OPCML: variants seen among roughly 807,000 people sequenced by gnomAD.
The protein encoded by OPCML is opioid binding protein/cell adhesion molecule like.
Under a neutral mutation model 37.8 loss-of-function variants are expected in OPCML, and 13 were observed. The ratio of observed to expected loss-of-function variants is 0.34; its 90% confidence interval spans 0.22 to 0.55. The LOEUF (loss-of-function observed/expected upper bound fraction) is 0.55, where lower values mean the gene tolerates loss of function less well. Among genes scored for constraint, OPCML ranks in the 20% least tolerant of loss-of-function variants. The pLI is 0.91. For missense variants in OPCML, 341 were observed against 435.6 expected, an observed-to-expected ratio of 0.78 and a Z score of 1.93; for synonymous variants, 176 against 168.8, an observed-to-expected ratio of 1.04 and a Z score of -0.33.
intron 1 of OPCML, among the ~76,000 whole-genome samples, chr11:133,346,970 C>A (rs1592221278): frequency 6.6e-6 from 1 of 152,122 alleles, no homozygotes; most frequent in East Asian, 1.9e-4. Context: ...CAATAGCCTT[C>A]AAAAAGGACA....
intron 1 of OPCML, among the ~76,000 whole-genome samples, chr11:133,148,679 G>A (rs551875568): frequency 6.6e-5 from 10 of 152,300 alleles, no homozygotes; most frequent in Middle Eastern, 3.4e-3. Flanking sequence ...CCATCCCACC[G>A]CCCTCCAGGG....
chr11:133,506,611 G>A (rs1948036258), intron 1 of OPCML, among the ~76,000 whole-genome samples: 1 of 152,162 alleles, frequency 6.6e-6, no homozygotes, highest in South Asian at 2.1e-4. Context: ...AAGGATCCTG[G>A]GAGAACAGTG....
At chr11:132,473,152 T>G (rs975327879) in intron 4 of OPCML, among the ~76,000 whole-genome samples, 2 of 152,178 alleles carry the variant, frequency 1.3e-5, no homozygotes, top group Non-Finnish European at 2.9e-5. Context: ...AAACAGCAAA[T>G]GCCAAGTGAA....
At chr11:133,124,025 A>C (rs1205639961) in intron 1 of OPCML, among the ~76,000 whole-genome samples, 1 of 152,050 alleles carries the variant, frequency 6.6e-6, no homozygotes, top group East Asian at 1.9e-4. Context: ...AGCAATGACT[A>C]CCACACCTTA....
In OPCML at chr11:132,646,518, G is replaced by A. The variant is rs548756220; in HGVS notation, c.379+10569C>T. On this transcript the variant is annotated intron_variant, in intron 3 of 7. Coordinates refer to ENST00000524381, the MANE Select transcript of OPCML (RefSeq NM_001012393.5). The stretch of plus-strand genomic sequence containing the variant: ...ACACTGTTAAAATGAATTATAGGGC[G>A]GGAGAGATGAGGATTAGGTATCAAT... Among the ~76,000 whole-genome samples, 109 of 152,192 alleles carry A rather than the reference G, an allele frequency of 7.2e-4. No homozygotes were observed. In the South Asian group the frequency reaches 0.016, roughly 22 times the overall value.
At chr11:132,548,371 T>C (rs2096373673) in intron 3 of OPCML, among the ~76,000 whole-genome samples, 3 of 152,142 alleles carry the variant, frequency 2.0e-5, no homozygotes, top group Admixed American at 2.0e-4. Flanking sequence ...TGCCCCCCTA[T>C]ATCTGCCCCA....
At chr11:133,502,058 C>T (rs1160816988) in intron 1 of OPCML, among the ~76,000 whole-genome samples, 2 of 152,036 alleles carry the variant, frequency 1.3e-5, no homozygotes, top group Non-Finnish European at 2.9e-5. Flanking sequence ...TCCCACAGTC[C>T]TCCAATGCCC....
intron 2 of OPCML, among the ~76,000 whole-genome samples, chr11:132,663,690 C>T (rs1942083662): frequency 6.6e-6 from 1 of 152,184 alleles, no homozygotes; most frequent in Non-Finnish European, 1.5e-5. Context: ...TGAAGGTTCC[C>T]AAGCGCTAGA....
chr11:132,534,820 T>TA (rs2096336032), intron 3 of OPCML, among the ~76,000 whole-genome samples: 1 of 152,134 alleles, frequency 6.6e-6, no homozygotes, highest in African/African-American at 2.4e-5. Context: ...TGCCTGGAAA[T>TA]AAGTGAGTAC....
intron 2 of OPCML, among the ~76,000 whole-genome samples, chr11:132,723,913 G>A (rs1254057710): frequency 6.6e-6 from 1 of 152,200 alleles, no homozygotes; most frequent in Non-Finnish European, 1.5e-5. Context: ...AGAGGAAGTT[G>A]GTTCCCAGGC....
chr11:132,462,758 G>T (rs894782115), intron 4 of OPCML, among the ~76,000 whole-genome samples: 9 of 152,166 alleles, frequency 5.9e-5, no homozygotes, highest in African/African-American at 2.2e-4. Flanking sequence ...GAAATTCATG[G>T]CAGTAAAGTG....
intron 1 of OPCML, among the ~76,000 whole-genome samples, chr11:133,506,917 G>A (rs1205889688): frequency 3.3e-5 from 5 of 152,214 alleles, no homozygotes; most frequent in Admixed American, 3.3e-4. Flanking sequence ...TTTTCCATTT[G>A]AATCTGTGGT....
intron 3 of OPCML, among the ~76,000 whole-genome samples, chr11:132,544,087 G>A (rs2096363429): frequency 2.0e-5 from 3 of 152,002 alleles, no homozygotes; most frequent in Admixed American, 2.0e-4. Flanking sequence ...AAATTACTGA[G>A]TGTCTGGTAT....
intron 4 of OPCML, among the ~76,000 whole-genome samples, chr11:132,512,539 C>A (rs2137189277): frequency 6.6e-6 from 1 of 151,990 alleles, no homozygotes; most frequent in East Asian, 1.9e-4. Context: ...AAACCACACA[C>A]AACATGAATA....
intron 2 of OPCML, among the ~76,000 whole-genome samples, chr11:132,785,772 A>G (rs1342676826): frequency 2.6e-5 from 4 of 152,202 alleles, no homozygotes; most frequent in Non-Finnish European, 5.9e-5. Flanking sequence ...TGAGGCAGAC[A>G]GGTGCATCTT....
chr11:132,505,090 G>T (rs1036726998), intron 4 of OPCML, among the ~76,000 whole-genome samples: 3 of 152,098 alleles, frequency 2.0e-5, no homozygotes, highest in Non-Finnish European at 4.4e-5. Context: ...TAGAGACTGT[G>T]AAATAAACCA....
intron 1 of OPCML, among the ~76,000 whole-genome samples, chr11:133,327,053 T>G (rs1321100143): frequency 5.1e-5 from 5 of 98,994 alleles, no homozygotes; most frequent in African/African-American, 2.0e-4. Context: ...TATGTGTGTG[T>G]GGGGTGTGGG....
chr11:133,349,223 C>G (rs923331387), intron 1 of OPCML, among the ~76,000 whole-genome samples: 1 of 152,212 alleles, frequency 6.6e-6, no homozygotes, highest in African/African-American at 2.4e-5. Flanking sequence ...TTACAGTTCT[C>G]TCTTGAGTAT....
intron 3 of OPCML, among the ~76,000 whole-genome samples, chr11:132,580,598 C>T (rs1031069886): frequency 6.6e-6 from 1 of 152,088 alleles, no homozygotes; most frequent in Non-Finnish European, 1.5e-5. Flanking sequence ...TTATTAACAC[C>T]TTTTGCCTTT....
Sources: allele counts gnomAD v4.1 joint callset (sites outside exome capture counted in the v4.1 genomes callset), GRCh38; gene constraint gnomAD v4.1.1; transcripts MANE v1.5; gene names NCBI Gene and HGNC (gene_info 2026-07-23, HGNC 2026-07-21).